Variants in RAB3GAP2 observed in about 807,000 individuals in gnomAD.
RAB3GAP2 encodes rab3 GTPase-activating protein non-catalytic subunit.
A neutral mutation model predicts 185.3 loss-of-function variants in RAB3GAP2; 87 were observed. The observed-to-expected ratio is 0.47, with a 90% CI of 0.39 to 0.56. The LOEUF (loss-of-function observed/expected upper bound fraction) is 0.56, where lower values mean the gene tolerates loss of function less well. Ranked by LOEUF, RAB3GAP2 falls within the 20% of genes least tolerant of loss-of-function variation. RAB3GAP2 has a pLI of 0.00. For synonymous variants in RAB3GAP2, 554 were observed against 576.1 expected, an observed-to-expected ratio of 0.96 and a Z score of 0.55; for missense variants, 1,492 against 1,638.2, an observed-to-expected ratio of 0.91 and a Z score of 1.54.
intron 2 of RAB3GAP2, among the ~76,000 whole-genome samples, chr1:220,225,997 C>T (rs1463299070): frequency 1.3e-5 from 2 of 152,180 alleles, no homozygotes; most frequent in African/African-American, 4.8e-5. Flanking sequence ...TGACCAGCAC[C>T]CTGTTAATCT....
At chr1:220,179,017 T>C (rs887743566) in intron 21 of RAB3GAP2, among the ~76,000 whole-genome samples, 1 of 151,882 alleles carries the variant, frequency 6.6e-6, no homozygotes, top group Non-Finnish European at 1.5e-5. Context: ...AAGGCTAACA[T>C]AGACTGAAAG....
chr1:220,267,003 C>T (rs1660238832), intron 1 of RAB3GAP2: 1 of 1,611,458 alleles, frequency 6.2e-7, no homozygotes, highest in Non-Finnish European at 8.5e-7. Context: ...TCTCATCATG[C>T]ATCCGACCTT....
At chr1:220,208,057 C>G (rs1225173363) in intron 7 of RAB3GAP2, 1 of 152,094 alleles carries the variant, frequency 6.6e-6, no homozygotes, top group Non-Finnish European at 1.5e-5. Context: ...ACGTAGCATA[C>G]AGAGTAACAA....
intron 2 of RAB3GAP2, among the ~76,000 whole-genome samples, chr1:220,215,524 T>A: frequency 1.3e-5 from 2 of 152,268 alleles, no homozygotes; most frequent in South Asian, 4.1e-4. Flanking sequence ...AAGGAACAAA[T>A]TGCATAATTT....
Position 220,242,541 on chromosome 1 carries a change from A to G in RAB3GAP2, c.116-9678T>C, listed in dbSNP as rs762007495. On this transcript the variant is annotated intron_variant, in intron 1 of 34. Transcript: ENST00000358951. ...GTTTCCGTGCAATTAATACAGATAC[A>G]AGCCATTATTCTTTCACAGCTCCGT... 7.2e-5 allele frequency among the ~76,000 whole-genome samples: 11 copies of G among 152,280 alleles called. No individual in the cohort carries two copies. In the South Asian group the frequency reaches 1.2e-3, roughly 17 times the overall value.
intron 1 of RAB3GAP2, among the ~76,000 whole-genome samples, chr1:220,262,381 T>C (rs1185458268): frequency 6.6e-6 from 1 of 152,144 alleles, no homozygotes; most frequent in Non-Finnish European, 1.5e-5. Flanking sequence ...GACAGTTCAG[T>C]AGTGTTAAGT....
intron 31 of RAB3GAP2, among the ~76,000 whole-genome samples, chr1:220,155,272 C>T (rs187693822): frequency 5.1e-4 from 77 of 152,334 alleles, no homozygotes; most frequent in African/African-American, 1.7e-3. Context: ...ACCGTTTCTT[C>T]TTCTGCAAGC....
intron 8 of RAB3GAP2, among the ~76,000 whole-genome samples, chr1:220,202,865 C>T (rs1414186592): frequency 2.6e-5 from 4 of 152,148 alleles, no homozygotes; most frequent in Non-Finnish European, 4.4e-5. Flanking sequence ...ATCACTTGAA[C>T]CTGGGAGGTG....
chr1:220,153,315 A>G lies in RAB3GAP2; in HGVS notation c.3737T>C (p.Phe1246Ser), dbSNP rs1228618122. 1 of 1,614,222 alleles carries G rather than the reference A, an allele frequency of 6.2e-7. No homozygotes were observed. The highest frequency in any genetic ancestry group is 1.7e-5 in the Admixed American group (1 of 60,028). ...AGCTGGCCAATCTTGGTCTTTCCCA[A>G]AAGGAGTGGGTGTGGCCTCTTCTGT... ...DPTEEATPTP[F>S]GKDQDWPALA... Residue 1246 changes from phenylalanine to serine, a missense_variant, in exon 33 of 35, where the codon TTT becomes TCT. Phe to Ser is a radical substitution (Grantham distance 155). Transcript: ENST00000358951.
chr1:220,260,195 C>T (rs1254064175), intron 1 of RAB3GAP2, among the ~76,000 whole-genome samples: 1 of 152,128 alleles, frequency 6.6e-6, no homozygotes, highest in Non-Finnish European at 1.5e-5. Flanking sequence ...TCCTCAAAGA[C>T]GTAGAGGCAG....
At chr1:220,250,042 G>A in intron 1 of RAB3GAP2, among the ~76,000 whole-genome samples, 1 of 152,168 alleles carries the variant, frequency 6.6e-6, no homozygotes, top group East Asian at 1.9e-4. Flanking sequence ...CCCCACTAGG[G>A]CACTGTGGAG....
At chr1:220,156,083 T>C (rs1345092901) in intron 31 of RAB3GAP2, among the ~76,000 whole-genome samples, 2 of 152,020 alleles carry the variant, frequency 1.3e-5, no homozygotes, top group African/African-American at 4.8e-5. Flanking sequence ...CCCAAGTAGC[T>C]GGGAGTACAG....
intron 1 of RAB3GAP2, among the ~76,000 whole-genome samples, chr1:220,244,641 C>T (rs1659762597): frequency 1.3e-5 from 2 of 152,152 alleles, no homozygotes; most frequent in South Asian, 4.1e-4. Context: ...TATCGCATTA[C>T]AGGACTTCAA....
In RAB3GAP2 at chr1:220,168,822, G is replaced by A. The variant is rs368593990; in HGVS notation, c.2807-1147C>T. On this transcript the variant is annotated intron_variant, in intron 24 of 34. Transcript: ENST00000358951. ...ATATAGTACAAAAAATTGTAAACAC[G>A]CTGAAAAACGTTCCAGATATTTAAC... Among the ~76,000 whole-genome samples the A allele has an allele frequency of 1.1e-4, 17 of 152,242 alleles. No individual in the cohort carries two copies. In the East Asian group the frequency reaches 3.3e-3, roughly 29 times the overall value.
rs1281967119 is a variant in RAB3GAP2 at position 220,162,280 on chromosome 1, G to T, written c.3155-12C>A. 6.5e-7 allele frequency: 1 copy of T among 1,541,438 alleles called. No individual in the cohort carries two copies. Among genetic ancestry groups the T allele is most frequent in the South Asian group, 1.1e-5 (1 of 89,486 alleles). On this transcript the variant is annotated splice_polypyrimidine_tract_variant and intron_variant, in intron 27 of 34. Transcript: ENST00000358951. ...CATCAGTGCAATGCCTAGATAGCAA[G>T]TAAAAGTAGTAAATAGAATGCTTAT...
At position 220,191,160 on chromosome 1, in the gene RAB3GAP2, A is replaced by C; in HGVS notation, c.1395T>G (p.Leu465=). The change falls in exon 14 of 35, where the codon CTT becomes CTG. Residue 465 remains leucine, a synonymous_variant. Transcript: ENST00000358951. ...TTCCCCTTCTTGGCGCATAGATCAC[A>C]AGGAATTGAGCTACTCGACTTGGAC... is the stretch of plus-strand genomic sequence containing the variant. ...SQGPSRVAQF[L]VIYAPRRGIL... 1 of 1,614,036 alleles carries C rather than the reference A, an allele frequency of 6.2e-7. No individual in the cohort carries two copies.
intron 9 of RAB3GAP2, among the ~76,000 whole-genome samples, chr1:220,197,324 A>T (rs73098583): frequency 0.13 from 19,116 of 152,048 alleles, 1,289 homozygotes; most frequent in Middle Eastern, 0.18. Context: ...ACCTTACTAA[A>T]TTTCATATAC....
At chr1:220,184,610 T>C (rs1658475584) in intron 18 of RAB3GAP2, among the ~76,000 whole-genome samples, 1 of 152,156 alleles carries the variant, frequency 6.6e-6, no homozygotes. Flanking sequence ...CAAGTTCTTA[T>C]AGCCATAATA....
At chr1:220,213,077 T>C (rs887174530) in intron 3 of RAB3GAP2, 109 bp from the exon 4 acceptor site, 4 of 749,646 alleles carry the variant, frequency 5.3e-6, no homozygotes, top group African/African-American at 3.6e-5. Context: ...AATTTAACAG[T>C]TGTGTATTAA....
Sources: allele counts gnomAD v4.1 joint callset (sites outside exome capture counted in the v4.1 genomes callset), GRCh38; gene constraint gnomAD v4.1.1; transcripts MANE v1.5; gene names NCBI Gene and HGNC (gene_info 2026-07-23, HGNC 2026-07-21).